UNC79: variants seen among roughly 807,000 people sequenced by gnomAD.
UNC79 encodes protein unc-79 homolog.
UNC79 carries 37 observed loss-of-function variants against 283.1 expected under a neutral mutation model. That is an observed-to-expected ratio of 0.13 (90% confidence interval 0.10 to 0.17). The LOEUF is 0.17. Ranked by LOEUF, UNC79 falls within the 10% of genes least tolerant of loss-of-function variation. The pLI, the probability that UNC79 is intolerant of heterozygous loss-of-function variation, is 1.00. For synonymous variants in UNC79, 1,107 were observed against 1,200.2 expected (o/e 0.92, Z 1.61); for missense variants, 2,272 against 3,211.1 (o/e 0.71, Z 7.07).
chr14:93,483,922 G>A (rs970614391), intron 4 of UNC79, among the ~76,000 whole-genome samples: 1 of 152,206 alleles, frequency 6.6e-6, no homozygotes, highest in African/African-American at 2.4e-5. Context: ...GCCACATTTT[G>A]TTAATCCAGT....
intron 22 of UNC79, among the ~76,000 whole-genome samples, chr14:93,592,221 C>G (rs1337815886): frequency 7.1e-6 from 1 of 140,312 alleles, no homozygotes. Context: ...GTCGCCCAGG[C>G]TGGAGTGCAG....
At chr14:93,506,511 T>TA (rs1220336909) in intron 7 of UNC79, among the ~76,000 whole-genome samples, 1 of 152,204 alleles carries the variant, frequency 6.6e-6, no homozygotes, top group East Asian at 1.9e-4. Flanking sequence ...ATTGTTTCTA[T>TA]AAAAAATTGA....
chr14:93,637,103 A>T (rs2068572207), intron 31 of UNC79, 113 bp from the exon 35 acceptor site: 5 of 726,362 alleles, frequency 6.9e-6, no homozygotes, highest in Non-Finnish European at 1.3e-5. Context: ...TTAATAATAC[A>T]TAGTAACAGT....
chr14:93,607,177 G>T (rs1159249632), intron 26 of UNC79, among the ~76,000 whole-genome samples: 1 of 152,158 alleles, frequency 6.6e-6, no homozygotes, highest in Admixed American at 6.5e-5. Context: ...GAATACTGAT[G>T]AAGATTAATT....
At chr14:93,575,869 C>T (rs945037167) in intron 17 of UNC79, among the ~76,000 whole-genome samples, 1 of 152,158 alleles carries the variant, frequency 6.6e-6, no homozygotes, top group Non-Finnish European at 1.5e-5. Context: ...CCTTGTCAAG[C>T]CTCTCTACAA....
At chr14:93,456,131 G>A (rs2056791431) in intron 1 of UNC79, among the ~76,000 whole-genome samples, 1 of 152,066 alleles carries the variant, frequency 6.6e-6, no homozygotes, top group African/African-American at 2.4e-5. Flanking sequence ...TGTTTGTGTG[G>A]TTTTCCTTAG....
intron 20 of UNC79, among the ~76,000 whole-genome samples, chr14:93,584,129 C>CT (rs1288163633): frequency 2.6e-5 from 4 of 152,176 alleles, no homozygotes. Context: ...CTAAGATTTT[C>CT]TGCAAACAGA....
At position 93,347,404 on chromosome 14, in the gene UNC79, G is replaced by A. The variant is rs201039215; in HGVS notation, c.-351+13881G>A. On this transcript the variant is annotated intron_variant, in intron 1 of 49. Transcript: ENST00000256339. ...GCCCCTGTCTGCCGCGGTGAGTTGA[G>A]GCCCAGCCATCATGGTGGGCGGGAA... 13 of 1,497,916 alleles carry A rather than the reference G, an allele frequency of 8.7e-6. No homozygotes were observed. The East Asian group carries it at 2.5e-4, about 29-fold the overall frequency. The allele number at this position is 1,497,916 out of a possible 1,614,324, so 92.8% of individuals were successfully genotyped here. A position where few individuals can be genotyped will look rare whatever the true frequency, so the allele number is the denominator to read the frequency against.
chr14:93,594,983 G>A (rs1194247035), intron 23 of UNC79, among the ~76,000 whole-genome samples: 2 of 151,756 alleles, frequency 1.3e-5, no homozygotes, highest in Non-Finnish European at 2.9e-5. Context: ...TCAGGGGCTA[G>A]TTAGTATATA....
intron 31 of UNC79, among the ~76,000 whole-genome samples, chr14:93,631,817 T>C (rs2068058918): frequency 6.6e-6 from 1 of 152,252 alleles, no homozygotes; most frequent in South Asian, 2.1e-4. Context: ...ACTAAGTGTC[T>C]GCTGGATGCC....
chr14:93,583,167 C>G lies in UNC79; in HGVS notation c.2803+823C>G, dbSNP rs1350834763. 2.6e-5 allele frequency among the ~76,000 whole-genome samples: 4 copies of G among 151,992 alleles called. No individual in the cohort carries two copies. The East Asian group carries it at 5.8e-4, about 22-fold the overall frequency. On this transcript the variant is annotated intron_variant, in intron 20 of 48. Transcript: ENST00000555664. ...AGAAACCCTGTCTCTACTAAAAATA[C>G]AAAATTAGCCAAGTGTGGTGGCTCA...
Position 93,617,032 on chromosome 14 carries a change from T to G in UNC79, c.4042-90T>G. On this transcript the variant is annotated intron_variant, in intron 27 of 48. Transcript: ENST00000555664. The surrounding 1 kb of genome is among the most constrained non-coding windows in gnomAD (Gnocchi z 4.5). The stretch of plus-strand genomic sequence containing the variant: ...TTAAATATTTTGCCTGTTAAAAATT[T>G]TAACCACTGGGATGGCTCAAATTTT... The G allele has an allele frequency of 3.3e-6, 4 of 1,224,290 alleles. No homozygotes were observed. Among genetic ancestry groups the G allele is most frequent in the Middle Eastern group, 2.7e-4 (1 of 3,698 alleles). 75.8% of individuals were successfully genotyped at this position (1,224,290 alleles called of 1,614,324 possible).
At chr14:93,504,769 C>G (rs997116231) in intron 7 of UNC79, among the ~76,000 whole-genome samples, 2 of 151,962 alleles carry the variant, frequency 1.3e-5, no homozygotes, top group African/African-American at 4.8e-5. Flanking sequence ...TTAAAAATTA[C>G]TTTAATATGC....
chr14:93,660,578 T>G (rs1484238049), intron 39 of UNC79, among the ~76,000 whole-genome samples: 2 of 135,166 alleles, frequency 1.5e-5, no homozygotes, highest in Non-Finnish European at 3.1e-5. Flanking sequence ...TGTGTGTGTG[T>G]GTTCATTTTA....
chr14:93,598,460 T>C (rs557740806), intron 24 of UNC79, among the ~76,000 whole-genome samples: 2 of 151,972 alleles, frequency 1.3e-5, no homozygotes, highest in African/African-American at 4.8e-5. Flanking sequence ...AGCTAGCTCC[T>C]GGGCTGGAGG....
At chr14:93,458,468 A>C (rs1437094151) in intron 1 of UNC79, among the ~76,000 whole-genome samples, 1 of 152,194 alleles carries the variant, frequency 6.6e-6, no homozygotes, top group Non-Finnish European at 1.5e-5. Context: ...TTGGGGTCTA[A>C]GTAATTAAAA....
intron 5 of UNC79, among the ~76,000 whole-genome samples, chr14:93,493,012 C>A (rs2058812471): frequency 6.6e-6 from 1 of 152,254 alleles, no homozygotes; most frequent in Middle Eastern, 3.4e-3. Context: ...AGAAGACAAT[C>A]AAATAATCAT....
chr14:93,376,292 A>G (rs1726462981), intron 1 of UNC79, among the ~76,000 whole-genome samples: 4 of 152,236 alleles, frequency 2.6e-5, no homozygotes, highest in Admixed American at 6.5e-5. Context: ...GGAAGAACAG[A>G]ACTATCTTAT....
chr14:93,529,647 C>T (rs2060713112), intron 10 of UNC79, among the ~76,000 whole-genome samples: 2 of 152,114 alleles, frequency 1.3e-5, no homozygotes, highest in Non-Finnish European at 2.9e-5. Context: ...TAAGTTGCTG[C>T]ACCAGGTCTT....
Sources: gnomAD v4.1 joint callset for allele counts (sites outside exome capture counted in the v4.1 genomes callset) on GRCh38, gnomAD v4.1.1 for gene constraint, Gnocchi (gnomAD v3.1) non-coding constraint, MANE v1.5 for transcripts, NCBI Gene and HGNC (gene_info 2026-07-23, HGNC 2026-07-21) for gene names.